The following WWOX variants were observed in gnomAD, a reference collection of about 807,000 sequenced individuals.
WWOX encodes the protein WW domain containing oxidoreductase.
Under a neutral mutation model 46.2 loss-of-function variants are expected in WWOX, and 69 were observed. The ratio of observed to expected loss-of-function variants is 1.49; its 90% CI spans 1.23 to 1.82. WWOX has a LOEUF of 1.82. Among genes scored for constraint, WWOX ranks in the 40% most tolerant of loss-of-function variants. The pLI is 0.00. For missense variants in WWOX, 919 were observed against 542.6 expected (o/e 1.69, Z -6.89); for synonymous variants, 359 against 202.6 (o/e 1.77, Z -6.56).
At chr16:78,249,179 G>C (rs1187537466) in intron 5 of WWOX, among the ~76,000 whole-genome samples, 1 of 152,228 alleles carries the variant, frequency 6.6e-6, no homozygotes, top group Non-Finnish European at 1.5e-5. Flanking sequence ...AGATGACAAG[G>C]CATGGAATGG....
chr16:79,029,297 T>C (rs2047707417), intron 8 of WWOX, among the ~76,000 whole-genome samples: 2 of 152,158 alleles, frequency 1.3e-5, no homozygotes, highest in Admixed American at 1.3e-4. Context: ...CATCCTCAGC[T>C]GCAGGCATGG....
intron 8 of WWOX, among the ~76,000 whole-genome samples, chr16:78,748,937 A>C (rs1329596532): frequency 1.3e-5 from 2 of 152,260 alleles, no homozygotes; most frequent in African/African-American, 4.8e-5. Context: ...CAATCAAATA[A>C]TTCATCTTTA....
chr16:78,180,131 C>T (rs2035482190), intron 5 of WWOX, among the ~76,000 whole-genome samples: 1 of 152,174 alleles, frequency 6.6e-6, no homozygotes, highest in African/African-American at 2.4e-5. Flanking sequence ...AAGAAAGAGT[C>T]CTTATTTACA....
At chr16:78,934,434 A>T (rs1473949728) in intron 8 of WWOX, among the ~76,000 whole-genome samples, 1 of 146,294 alleles carries the variant, frequency 6.8e-6, no homozygotes, top group East Asian at 2.1e-4. Flanking sequence ...ACTTGAGTCC[A>T]GGAGGTCAAG....
intron 8 of WWOX, among the ~76,000 whole-genome samples, chr16:78,625,282 C>G (rs546216437): frequency 1.1e-4 from 17 of 152,314 alleles, no homozygotes; most frequent in African/African-American, 3.8e-4. Context: ...TGTGGTTCCC[C>G]TGACTGAGCT....
chr16:78,812,342 G>A (rs1046346828), intron 8 of WWOX, among the ~76,000 whole-genome samples: 1 of 152,104 alleles, frequency 6.6e-6, no homozygotes, highest in Non-Finnish European at 1.5e-5. Flanking sequence ...CCCTCAGGGT[G>A]ACACCGATTT....
At chr16:78,580,776 T>G (rs1242792865) in intron 8 of WWOX, among the ~76,000 whole-genome samples, 1 of 152,260 alleles carries the variant, frequency 6.6e-6, no homozygotes, top group Non-Finnish European at 1.5e-5. Flanking sequence ...CTGCTAATTA[T>G]TCTTCATTTA....
At chr16:78,547,127 G>GAAAAAAAAAAAAAAAAAAAAA (rs199726097) in intron 8 of WWOX, among the ~76,000 whole-genome samples, 5 of 87,504 alleles carry the variant, frequency 5.7e-5, no homozygotes, top group African/African-American at 2.7e-4. Context: ...CCTTGTCTCA[G>GAAAAAAAAAAAAAAAAAAAAA]AAAAAAAAAA....
At chr16:78,707,514 A>C (rs1204675739) in intron 8 of WWOX, among the ~76,000 whole-genome samples, 2 of 152,306 alleles carry the variant, frequency 1.3e-5, no homozygotes, top group Middle Eastern at 6.8e-3. Flanking sequence ...AAGTCTGTGC[A>C]TCTGAGCTCT....
chr16:78,475,538 G>A (rs1314704142), intron 8 of WWOX, among the ~76,000 whole-genome samples: 1 of 152,132 alleles, frequency 6.6e-6, no homozygotes, highest in African/African-American at 2.4e-5. Context: ...AAGATAACTA[G>A]AGCCATGACT....
At chr16:79,127,967 G>A (rs750025245) in intron 8 of WWOX, among the ~76,000 whole-genome samples, 4 of 152,178 alleles carry the variant, frequency 2.6e-5, no homozygotes, top group Non-Finnish European at 2.9e-5. Context: ...CAAAGGCCTG[G>A]TCTGATAGAG....
chr16:78,103,256 T>G (rs1019617368), intron 1 of WWOX, among the ~76,000 whole-genome samples: 4 of 151,638 alleles, frequency 2.6e-5, no homozygotes, highest in African/African-American at 9.7e-5. Context: ...TTTTTTTTTT[T>G]TTTTTTTTAA....
At chr16:78,786,593 T>C (rs1462200313) in intron 8 of WWOX, among the ~76,000 whole-genome samples, 1 of 152,214 alleles carries the variant, frequency 6.6e-6, no homozygotes, top group East Asian at 1.9e-4. Context: ...ATTTGAAGTG[T>C]AACATTCAAC....
At chr16:78,954,870 G>T (rs963802046) in intron 8 of WWOX, among the ~76,000 whole-genome samples, 3 of 152,100 alleles carry the variant, frequency 2.0e-5, no homozygotes, top group African/African-American at 7.2e-5. Context: ...GCTCACTCCA[G>T]TCTTGAGCTC....
intron 8 of WWOX, among the ~76,000 whole-genome samples, chr16:78,794,832 A>C (rs772125357): frequency 6.6e-6 from 1 of 152,248 alleles, no homozygotes; most frequent in South Asian, 2.1e-4. Flanking sequence ...AGGGCACAGA[A>C]CTGCCAACTG....
chr16:78,669,128 C>T (rs887143669), intron 8 of WWOX, among the ~76,000 whole-genome samples: 1 of 151,740 alleles, frequency 6.6e-6, no homozygotes, highest in African/African-American at 2.4e-5. Context: ...TGCTGTGGCC[C>T]CATCTCCACC....
intron 8 of WWOX, among the ~76,000 whole-genome samples, chr16:78,671,265 A>T (rs1442428212): frequency 1.3e-5 from 2 of 152,090 alleles, no homozygotes; most frequent in Admixed American, 6.5e-5. Flanking sequence ...TCTACAAAAA[A>T]TACCAAAAAA....
At chr16:78,859,001 TAAAAAAA>T (rs542176032) in intron 8 of WWOX, among the ~76,000 whole-genome samples, 27 of 44,308 alleles carry the variant, frequency 6.1e-4, no homozygotes, top group African/African-American at 1.9e-3. Flanking sequence ...TTTTGAAATT[TAAAAAAA>T]AAAAAAAAAA....
At chr16:79,114,968 T>C (rs7185485) in intron 8 of WWOX, among the ~76,000 whole-genome samples, 45,805 of 152,098 alleles carry the variant, frequency 0.3, 7,973 homozygotes, top group East Asian at 0.63. Flanking sequence ...AGTTAGACAA[T>C]TAGCTCGCCC....
Sources: gnomAD v4.1 joint callset for allele counts (sites outside exome capture counted in the v4.1 genomes callset) on GRCh38, gnomAD v4.1.1 for gene constraint, MANE v1.5 for transcripts, NCBI Gene and HGNC (gene_info 2026-07-23, HGNC 2026-07-21) for gene names.